Variants in IQSEC3 observed in about 807,000 individuals in gnomAD.
The protein encoded by IQSEC3 is IQ motif and Sec7 domain ArfGEF 3.
In IQSEC3, 50 loss-of-function variants were observed where a neutral mutation model predicts 105.4. The ratio of observed to expected loss-of-function variants is 0.47; its 90% CI spans 0.38 to 0.60. IQSEC3 has a LOEUF of 0.60. Among genes scored for constraint, IQSEC3 ranks in the 20% least tolerant of loss-of-function variants. IQSEC3 has a pLI of 0.00. For missense variants in IQSEC3, 1,415 were observed against 1,630.0 expected, an observed-to-expected ratio of 0.87 and a Z score of 2.27; for synonymous variants, 708 against 746.0, an observed-to-expected ratio of 0.95 and a Z score of 0.83.
chr12:139,584 A>G, intron 4 of IQSEC3: 1 of 441,312 alleles, frequency 2.3e-6, no homozygotes, highest in Admixed American at 3.9e-5. Flanking sequence ...AAGGAAAAAA[A>G]TAACACATCA....
chr12:131,403 G>T (rs1302884525), intron 3 of IQSEC3, among the ~76,000 whole-genome samples: 1 of 152,156 alleles, frequency 6.6e-6, no homozygotes, highest in Non-Finnish European at 1.5e-5. Context: ...CCTGGCCCTG[G>T]TTCAGAACGG....
Position 163,560 on chromosome 12 carries a change from A to G in IQSEC3, c.2650A>G (p.Lys884Glu). The G allele has an allele frequency of 6.2e-7, 1 of 1,610,978 alleles. No individual in the cohort carries two copies. Among genetic ancestry groups the G allele is most frequent in the Non-Finnish European group, 8.5e-7 (1 of 1,178,370 alleles). ...SRLFEVTDVN[K>E]LQKQAAHQRE... ...GCTCTTCGAGGTGACGGATGTGAAC[A>G]AGCTGCAGAAGCAGGCAGCGCATCA... The change falls in exon 9 of 14, where the codon AAG (lysine) becomes GAG (glutamate). Residue 884 changes from lysine (K) to glutamate (E), a missense_variant. This residue lies in a region of IQSEC3 where 419 missense variants were observed against 436.2 expected (regional missense o/e 0.96). Transcript: ENST00000538872.
chr12:71,783 C>T (rs1863329554), intron 1 of IQSEC3, among the ~76,000 whole-genome samples: 1 of 152,276 alleles, frequency 6.6e-6, no homozygotes, highest in Non-Finnish European at 1.5e-5. Context: ...GCTGAGGTGG[C>T]ATCGTATGGC....
intron 9 of IQSEC3, among the ~76,000 whole-genome samples, chr12:164,912 A>G (rs2137056259): frequency 6.6e-6 from 1 of 152,374 alleles, no homozygotes. Context: ...ACCAGGTGAT[A>G]GTACAGAGAG....
intron 2 of IQSEC3, among the ~76,000 whole-genome samples, chr12:123,176 G>T (rs868964723): frequency 6.6e-6 from 1 of 152,190 alleles, no homozygotes; most frequent in African/African-American, 2.4e-5. Context: ...AGGCTGAGAA[G>T]GGACAATCAT....
chr12:171,753 A>G (rs557688819), intron 13 of IQSEC3, among the ~76,000 whole-genome samples: 1 of 152,296 alleles, frequency 6.6e-6, no homozygotes, highest in African/African-American at 2.4e-5. Context: ...GCCATGGCGC[A>G]GGGATGTGTG....
At chr12:146,539 G>T (rs1866279341) in intron 5 of IQSEC3, among the ~76,000 whole-genome samples, 1 of 152,124 alleles carries the variant, frequency 6.6e-6, no homozygotes, top group Non-Finnish European at 1.5e-5. Flanking sequence ...CCAGCTACTC[G>T]GGAGGCCAAG....
At chr12:150,919 CA>C (rs1555092483) in intron 5 of IQSEC3, among the ~76,000 whole-genome samples, 1 of 152,094 alleles carries the variant, frequency 6.6e-6, no homozygotes, top group Non-Finnish European at 1.5e-5. Context: ...AAGAACACCT[CA>C]AACTTCGTGT....
chr12:164,569 CT>C (rs1225603810), intron 9 of IQSEC3: 16 of 152,278 alleles, frequency 1.1e-4, no homozygotes, highest in Non-Finnish European at 1.9e-4. Context: ...TCTCAAATCA[CT>C]TTTGATTCCT....
Position 138,783 on chromosome 12 carries a change from C to T in IQSEC3, c.1420C>T (p.Pro474Ser), listed in dbSNP as rs1190646902. 3.1e-6 allele frequency: 5 copies of T among 1,597,938 alleles called. No homozygotes were observed. The highest frequency in any genetic ancestry group is 4.3e-6 in the Non-Finnish European group (5 of 1,175,134). The change falls in exon 4 of 14, where the codon CCC (proline) becomes TCC (serine). Residue 474 changes from proline to serine, a missense_variant. Transcript: ENST00000538872. This position sits in a 1 kb window ranked among gnomAD's most constrained non-coding sequence, Gnocchi z 7.1. ...GDDAAETPGL[P>S]PAHSGTLMMA... ...TGACGCCGCGGAGACCCCCGGCCTG[C>T]CCCCGGCCCACAGCGGGACCCTCAT... is the stretch of plus-strand genomic sequence containing the variant.
At chr12:170,833 C>T (rs1418105302) in intron 12 of IQSEC3, among the ~76,000 whole-genome samples, 3 of 152,228 alleles carry the variant, frequency 2.0e-5, no homozygotes, top group African/African-American at 7.2e-5. Flanking sequence ...TTTTACAGTT[C>T]GTACTGGGAA....
At chr12:91,217 C>T (rs1211785443) in intron 1 of IQSEC3, among the ~76,000 whole-genome samples, 1 of 152,228 alleles carries the variant, frequency 6.6e-6, no homozygotes, top group Non-Finnish European at 1.5e-5. Flanking sequence ...CCCTCTCCTG[C>T]TTCTCCCACT....
chr12:116,149 C>T (rs16930883), intron 2 of IQSEC3, among the ~76,000 whole-genome samples: 4,638 of 152,300 alleles, frequency 0.03, 258 homozygotes, highest in African/African-American at 0.1. Flanking sequence ...ATTAGCCCTT[C>T]GTTCTTGGGA....
intron 3 of IQSEC3, among the ~76,000 whole-genome samples, chr12:131,021 C>T (rs1591693779): frequency 4.3e-5 from 2 of 46,100 alleles, no homozygotes; most frequent in African/African-American, 8.9e-5. Flanking sequence ...AGCGGCTCTT[C>T]CTCCCCACAC....
rs549795968 is a variant in IQSEC3 at position 174,806 on chromosome 12, G to A, written c.3322G>A (p.Ala1108Thr). 23 of 1,584,556 alleles carry A rather than the reference G, an allele frequency of 1.5e-5. No individual in the cohort carries two copies. In the South Asian group the frequency reaches 2.3e-4, roughly 16 times the overall value. Reference sequence around the variant, plus strand: ...CATTGTCCTGGACAAGCCCTGCCTGGCCCGCATGGAGCCCCTGCTGAGCCA... The same window carrying A: ...CATTGTCCTGGACAAGCCCTGCCTGACCCGCATGGAGCCCCTGCTGAGCCA... ...KVIVLDKPCL[A>T]RMEPLLSQAL... Residue 1108 changes from alanine (A) to threonine (T), a missense_variant, in exon 14 of 14, where the codon GCC (alanine) becomes ACC (threonine). Coordinates refer to ENST00000538872, the MANE Select transcript of IQSEC3 (RefSeq NM_001170738.2).
At chr12:97,907 G>C (rs1251195125) in intron 1 of IQSEC3, among the ~76,000 whole-genome samples, 1 of 152,228 alleles carries the variant, frequency 6.6e-6, no homozygotes, top group African/African-American at 2.4e-5. Context: ...CCCCCAACAC[G>C]TGCCTGGGAG....
chr12:78,752 A>C (rs1213358567), intron 1 of IQSEC3, among the ~76,000 whole-genome samples: 4 of 151,834 alleles, frequency 2.6e-5, no homozygotes, highest in African/African-American at 9.7e-5. Flanking sequence ...GAATGGTACC[A>C]CCCTCCTGGG....
intron 1 of IQSEC3, among the ~76,000 whole-genome samples, chr12:92,805 G>C (rs1864130245): frequency 6.6e-6 from 1 of 152,236 alleles, no homozygotes; most frequent in South Asian, 2.1e-4. Flanking sequence ...AGCGTGTTGA[G>C]TGTGCAGCCC....
rs111415156 is a variant in IQSEC3 at position 157,597 on chromosome 12, C to T, written c.2346C>T (p.Leu782=). Residue 782 remains leucine (L), a synonymous_variant, in exon 7 of 14, where the codon CTC becomes CTT. Transcript: ENST00000538872. ...ACAACCCCGACACCATCTTCATCCT[C>T]GCCTTCGCCATCATCCTCCTCAACA... ...QFHNPDTIFI[L]AFAIILLNTD... is the part of the protein sequence containing the mutation. The T allele has an allele frequency of 8.7e-6, 14 of 1,614,106 alleles. No individual in the cohort carries two copies. The highest frequency in any genetic ancestry group is 1.7e-5 in the Admixed American group (1 of 60,012).
Sources: allele counts gnomAD v4.1 joint callset (sites outside exome capture counted in the v4.1 genomes callset), GRCh38; gene constraint gnomAD v4.1.1; regional missense constraint gnomAD v4.1.1; non-coding constraint Gnocchi (gnomAD v3.1); transcripts MANE v1.5; gene names NCBI Gene and HGNC (gene_info 2026-07-23, HGNC 2026-07-21).